Variants in PHF24 observed in about 807,000 individuals in gnomAD.
PHF24 encodes the protein Galpha inhibitory interacting protein.
PHF24 carries 25 observed loss-of-function variants against 42.6 expected under a neutral mutation model. That is an observed-to-expected ratio of 0.59 (90% CI 0.43 to 0.82). The LOEUF (loss-of-function observed/expected upper bound fraction) is 0.82. PHF24 is among the 40% of genes least tolerant of loss of function. PHF24 has a pLI of 0.00. For synonymous variants in PHF24, 185 were observed against 204.8 expected, an observed-to-expected ratio of 0.90 and a Z score of 0.83; for missense variants, 470 against 538.1, an observed-to-expected ratio of 0.87 and a Z score of 1.25.
chr9:34,850,075 A>G, the PHF24 span, among the ~76,000 whole-genome samples: 10 of 152,186 alleles, frequency 6.6e-5, no homozygotes, highest in Non-Finnish European at 1.2e-4. Flanking sequence ...TGACAATTAT[A>G]TGTCTTGGAG....
chr9:34,964,693 C>T (rs1026794206), intron 1 of PHF24, among the ~76,000 whole-genome samples: 2 of 152,214 alleles, frequency 1.3e-5, no homozygotes, highest in African/African-American at 2.4e-5. Context: ...ACATTACAAG[C>T]TGCCCACAAA....
chr9:34,778,679 T>A, the PHF24 span, among the ~76,000 whole-genome samples: 1 of 151,714 alleles, frequency 6.6e-6, no homozygotes, highest in Non-Finnish European at 1.5e-5. Context: ...GTTAAAGACA[T>A]CACCTACTTT....
chr9:34,932,975 G>C, the PHF24 span, among the ~76,000 whole-genome samples: 2 of 139,282 alleles, frequency 1.4e-5, no homozygotes, highest in Non-Finnish European at 3.0e-5. Context: ...CTTCATGAGA[G>C]CAGGAACTCT....
the PHF24 span, among the ~76,000 whole-genome samples, chr9:34,730,312 A>G: frequency 2.4e-4 from 36 of 152,192 alleles, no homozygotes; most frequent in Non-Finnish European, 4.6e-4. Context: ...CCATAGCCAG[A>G]CTATTGATTT....
At chr9:34,692,510 C>T in the PHF24 span, among the ~76,000 whole-genome samples, 1 of 152,158 alleles carries the variant, frequency 6.6e-6, no homozygotes, top group Non-Finnish European at 1.5e-5. Context: ...CTCCACACCG[C>T]CTGTCTGCCA....
At chr9:34,975,511 T>C (rs11789226) in intron 3 of PHF24, among the ~76,000 whole-genome samples, 59,674 of 151,928 alleles carry the variant, frequency 0.39, 13,560 homozygotes, top group Non-Finnish European at 0.51. Flanking sequence ...GGATCTTTGA[T>C]AGTTTAAAGA....
the PHF24 span, among the ~76,000 whole-genome samples, chr9:34,915,326 A>G: frequency 6.6e-6 from 1 of 151,694 alleles, no homozygotes; most frequent in African/African-American, 2.4e-5. Context: ...TTTCAGCAGC[A>G]TGTCTTTCCA....
At chr9:34,674,936 G>A in the PHF24 span, among the ~76,000 whole-genome samples, 1 of 152,042 alleles carries the variant, frequency 6.6e-6, no homozygotes, top group East Asian at 1.9e-4. Flanking sequence ...GCGTGATCTC[G>A]GCTCACTGTA....
chr9:34,740,800 A>G, the PHF24 span, among the ~76,000 whole-genome samples: 3 of 152,224 alleles, frequency 2.0e-5, no homozygotes, highest in Non-Finnish European at 4.4e-5. Flanking sequence ...ATGGAATATT[A>G]TGCTACCATT....
the PHF24 span, among the ~76,000 whole-genome samples, chr9:34,696,761 T>C: frequency 6.6e-6 from 1 of 152,176 alleles, no homozygotes; most frequent in Non-Finnish European, 1.5e-5. Flanking sequence ...TGAATCTTCC[T>C]TGGTGGCAGA....
the PHF24 span, among the ~76,000 whole-genome samples, chr9:34,879,980 C>G: frequency 1.3e-5 from 2 of 152,178 alleles, no homozygotes; most frequent in Non-Finnish European, 2.9e-5. Context: ...AAGGGAAGCC[C>G]ATCAGACTAA....
chr9:34,740,432 G>A, the PHF24 span, among the ~76,000 whole-genome samples: 3 of 152,368 alleles, frequency 2.0e-5, no homozygotes, highest in East Asian at 1.9e-4. Flanking sequence ...GCCGGTGGGC[G>A]GGCACTGCTG....
chr9:34,924,491 C>A, the PHF24 span, among the ~76,000 whole-genome samples: 5 of 152,256 alleles, frequency 3.3e-5, no homozygotes, highest in African/African-American at 1.2e-4. Context: ...GTTACATACC[C>A]TTGCTGAATT....
the PHF24 span, among the ~76,000 whole-genome samples, chr9:34,820,955 G>A: frequency 3.1e-4 from 47 of 152,204 alleles, no homozygotes; most frequent in East Asian, 8.7e-3. Flanking sequence ...ATCTCATTGT[G>A]GTTTTGATTT....
At chr9:34,873,874 A>G in the PHF24 span, among the ~76,000 whole-genome samples, 1 of 151,820 alleles carries the variant, frequency 6.6e-6, no homozygotes, top group Non-Finnish European at 1.5e-5. Context: ...ATCCTCTTTT[A>G]TTTCATTGAG....
chr9:34,717,541 G>A, the PHF24 span, among the ~76,000 whole-genome samples: 3 of 148,550 alleles, frequency 2.0e-5, no homozygotes, highest in South Asian at 6.4e-4. Flanking sequence ...GAAGAGGGCA[G>A]TGGACTCTCT....
At chr9:34,941,998 C>T in the PHF24 span, among the ~76,000 whole-genome samples, 1 of 152,184 alleles carries the variant, frequency 6.6e-6, no homozygotes, top group Non-Finnish European at 1.5e-5. Flanking sequence ...ATCAAGGGCA[C>T]ACCATTGGTC....
At chr9:34,785,275 T>C in the PHF24 span, among the ~76,000 whole-genome samples, 1 of 152,166 alleles carries the variant, frequency 6.6e-6, no homozygotes, top group African/African-American at 2.4e-5. Context: ...AGAGACAAAC[T>C]CTCTCTGAAG....
At chr9:34,884,688 AG>A in the PHF24 span, among the ~76,000 whole-genome samples, 2 of 152,192 alleles carry the variant, frequency 1.3e-5, no homozygotes, top group Non-Finnish European at 2.9e-5. Flanking sequence ...CTTGTGTCTG[AG>A]GATCTCCAAC....
Sources: gnomAD v4.1 joint callset for allele counts (sites outside exome capture counted in the v4.1 genomes callset) on GRCh38, gnomAD v4.1.1 for gene constraint, MANE v1.5 for transcripts, NCBI Gene and HGNC (gene_info 2026-07-23, HGNC 2026-07-21) for gene names.